Variants in TRIQK observed in about 807,000 individuals in gnomAD.
TRIQK encodes triple QxxK/R motif-containing protein.
In TRIQK, 10 loss-of-function variants were observed where a neutral mutation model predicts 10.8. That is an observed-to-expected ratio of 0.92 (90% confidence interval 0.57 to 1.57). The LOEUF is 1.57. TRIQK is among the 40% of genes most tolerant of loss of function. The pLI is 0.00. For missense variants in TRIQK, 107 were observed against 97.7 expected (o/e 1.09, Z -0.40); for synonymous variants, 33 against 33.7 (o/e 0.98, Z 0.07).
At chr8:92,967,366 A>G (rs1332073721), upstream of TRIQK, among the ~76,000 whole-genome samples, 2 of 152,146 alleles carry the variant, frequency 1.3e-5, no homozygotes, top group African/African-American at 4.8e-5. Flanking sequence ...CTGTGATGCA[A>G]TTGTTGGAAT....
At chr8:92,941,393 A>C (rs1811266109) in intron 2 of TRIQK, 2 of 152,152 alleles carry the variant, frequency 1.3e-5, no homozygotes, top group African/African-American at 4.8e-5. Context: ...GAAATTTAAA[A>C]ATTTCTTAAG....
intron 2 of TRIQK, among the ~76,000 whole-genome samples, chr8:92,936,814 T>C (rs2130584049): frequency 6.6e-6 from 1 of 151,902 alleles, no homozygotes; most frequent in East Asian, 1.9e-4. Flanking sequence ...GGTTATGATA[T>C]ATAAAGTTTA....
At chr8:92,888,225 C>G (rs1477759271) in intron 4 of TRIQK, among the ~76,000 whole-genome samples, 2 of 151,560 alleles carry the variant, frequency 1.3e-5, no homozygotes, top group Non-Finnish European at 3.0e-5. Flanking sequence ...AAGCTTAATG[C>G]AAGAATTAAG....
intron 3 of TRIQK, among the ~76,000 whole-genome samples, chr8:92,913,931 A>C (rs1809698307): frequency 6.6e-6 from 1 of 152,064 alleles, no homozygotes; most frequent in Non-Finnish European, 1.5e-5. Flanking sequence ...AGAACATACG[A>C]GCACAGGGAA....
chr8:92,949,802 GAAA>G (rs1811777055), intron 2 of TRIQK, among the ~76,000 whole-genome samples: 1 of 82,722 alleles, frequency 1.2e-5, no homozygotes, highest in Non-Finnish European at 2.2e-5. Context: ...AAGAAAGAAA[GAAA>G]GAAAGAAAGA....
chr8:92,964,900 T>C (rs1326470638), intron 1 of TRIQK: 1 of 152,186 alleles, frequency 6.6e-6, no homozygotes, highest in East Asian at 1.9e-4. Context: ...AGGCCAATGC[T>C]CCTCCCAATG....
chr8:92,917,025 A>G lies in TRIQK; in HGVS notation c.-21-15T>C. 6.9e-7 allele frequency: 1 copy of G among 1,450,728 alleles called. No homozygotes were observed. Among genetic ancestry groups the G allele is most frequent in the Non-Finnish European group, 9.0e-7 (1 of 1,107,554 alleles). 89.9% of individuals were successfully genotyped at this position (1,450,728 alleles called of 1,614,324 possible). A position where few individuals can be genotyped will look rare whatever the true frequency, so the allele number is the denominator to read the frequency against. On this transcript the variant is annotated splice_polypyrimidine_tract_variant and intron_variant, in intron 2 of 4. Transcript: ENST00000521988. ...CAAAATGCCTGCTGAAAAGAAAACA[A>G]TTATAATGAAAATTTTTTTAAAAAG...
At chr8:92,930,829 T>A (rs1305316817) in intron 2 of TRIQK, among the ~76,000 whole-genome samples, 1 of 152,162 alleles carries the variant, frequency 6.6e-6, no homozygotes, top group Non-Finnish European at 1.5e-5. Context: ...AAACTCAAGA[T>A]TGTTTGAATT....
chr8:92,922,021 T>A (rs1810219110), intron 2 of TRIQK, among the ~76,000 whole-genome samples: 1 of 151,864 alleles, frequency 6.6e-6, no homozygotes, highest in African/African-American at 2.4e-5. Context: ...ATAATAATCT[T>A]CATATTCATG....
chr8:92,975,222 G>T (rs1812919032), intron 1 of TRIQK, among the ~76,000 whole-genome samples: 1 of 152,230 alleles, frequency 6.6e-6, no homozygotes, highest in Admixed American at 6.5e-5. Flanking sequence ...GAAAAAGTTT[G>T]AAAGTATTCA....
At chr8:92,930,217 C>T (rs868280808) in intron 2 of TRIQK, among the ~76,000 whole-genome samples, 13 of 150,602 alleles carry the variant, frequency 8.6e-5, no homozygotes, top group Middle Eastern at 3.4e-3. Flanking sequence ...CCCCCACCCA[C>T]GTCTCTACTA....
At chr8:92,940,656 A>G (rs28525268) in intron 2 of TRIQK, among the ~76,000 whole-genome samples, 7 of 152,154 alleles carry the variant, frequency 4.6e-5, no homozygotes, top group Admixed American at 2.0e-4. Flanking sequence ...AAAGAGAGAA[A>G]TTGACTCCAA....
chr8:93,003,238 G>C (rs1040871554), intron 1 of TRIQK, among the ~76,000 whole-genome samples: 2 of 151,694 alleles, frequency 1.3e-5, no homozygotes, highest in African/African-American at 4.9e-5. Flanking sequence ...ATGGCTGGGT[G>C]GGGGCGGTGC....
chr8:92,966,237 A>G (rs944115691), upstream of TRIQK: 1 of 152,298 alleles, frequency 6.6e-6, no homozygotes, highest in African/African-American at 2.4e-5. Flanking sequence ...CAGGACGCAA[A>G]GGCGCTGGCC....
intron 1 of TRIQK, among the ~76,000 whole-genome samples, chr8:92,994,043 G>T (rs1813125577): frequency 6.6e-6 from 1 of 152,140 alleles, no homozygotes; most frequent in Admixed American, 6.5e-5. Context: ...GTTTCTCCTT[G>T]TGTGGATGGC....
At position 92,927,100 on chromosome 8, in the gene TRIQK, A is replaced by G. The variant is rs1173684870; in HGVS notation, c.-21-10090T>C. Among the ~76,000 whole-genome samples, 3 of 152,316 alleles carry G rather than the reference A, an allele frequency of 2.0e-5. No homozygotes were observed. The East Asian group carries it at 5.8e-4, about 29-fold the overall frequency. On this transcript the variant is annotated intron_variant, in intron 2 of 4. Transcript: ENST00000521988. ...GAAAACAGGATTTATGGGCAACACCAAGAGACCAAAAAAAATTGTAACCTA... is the reference window on the plus strand; with the variant it reads ...GAAAACAGGATTTATGGGCAACACCGAGAGACCAAAAAAAATTGTAACCTA...
At chr8:92,991,048 A>G (rs1424882115) in intron 1 of TRIQK, among the ~76,000 whole-genome samples, 1 of 152,138 alleles carries the variant, frequency 6.6e-6, no homozygotes, top group Non-Finnish European at 1.5e-5. Context: ...TTGACGAGGA[A>G]CACTCTGGCT....
chr8:93,003,609 C>T (rs961984529), intron 1 of TRIQK, among the ~76,000 whole-genome samples: 3 of 152,116 alleles, frequency 2.0e-5, no homozygotes, highest in Non-Finnish European at 4.4e-5. Flanking sequence ...CAACCGTCCC[C>T]CAAAGTCTTA....
intron 3 of TRIQK, among the ~76,000 whole-genome samples, chr8:92,898,015 C>G (rs1196422296): frequency 6.6e-6 from 1 of 152,044 alleles, no homozygotes; most frequent in African/African-American, 2.4e-5. Flanking sequence ...TCTGTCAGAC[C>G]TTTTAAAAAA....
Sources: gnomAD v4.1 joint callset for allele counts (sites outside exome capture counted in the v4.1 genomes callset) on GRCh38, gnomAD v4.1.1 for gene constraint, MANE v1.5 for transcripts, NCBI Gene and HGNC (gene_info 2026-07-23, HGNC 2026-07-21) for gene names.